RAD18: variants seen among roughly 807,000 people sequenced by gnomAD.
RAD18 encodes the protein E3 ubiquitin-protein ligase RAD18.
RAD18 carries 47 observed loss-of-function variants against 60.4 expected under a neutral mutation model. The observed-to-expected ratio is 0.78, with a 90% CI of 0.62 to 0.99. RAD18 has a LOEUF of 0.99. Ranked by LOEUF, RAD18 falls within the 50% of genes least tolerant of loss-of-function variation. The pLI, the probability that RAD18 is intolerant of heterozygous loss-of-function variation, is 0.00. For synonymous variants in RAD18, 225 were observed against 195.5 expected, an observed-to-expected ratio of 1.15 and a Z score of -1.26; for missense variants, 640 against 593.3, an observed-to-expected ratio of 1.08 and a Z score of -0.82.
chr3:8,946,737 T>C (rs1381176713), intron 4 of RAD18, among the ~76,000 whole-genome samples: 1 of 152,210 alleles, frequency 6.6e-6, no homozygotes, highest in Non-Finnish European at 1.5e-5. Context: ...GCAGACAGAA[T>C]CAATTATAGA....
At position 8,880,357 on chromosome 3, in the gene RAD18, T is replaced by C. The variant is rs893302344; in HGVS notation, c.*1000A>G. 2 of 152,216 alleles carry C rather than the reference T, an allele frequency of 1.3e-5. No individual in the cohort carries two copies. The highest frequency in any genetic ancestry group is 4.8e-5 in the African/African-American group (2 of 41,432). 9.4% of individuals were successfully genotyped at this position (152,216 alleles called of 1,614,324 possible). ...ATTTACTATCATCTCATTTGAAAGC[T>C]GATGTGTTTGGGTTGGGTGATGGCA... On this transcript the variant is annotated 3_prime_UTR_variant, in exon 13 of 13. Transcript: ENST00000264926.
At chr3:8,947,195 G>C in intron 4 of RAD18, 25 bp downstream of exon 4, 1 of 1,542,990 alleles carries the variant, frequency 6.5e-7, no homozygotes, top group Non-Finnish European at 8.9e-7. Context: ...AGTAGTTAGA[G>C]GTTAGTCACA....
chr3:8,927,788 T>G (rs1441082630), intron 7 of RAD18, among the ~76,000 whole-genome samples: 4 of 152,086 alleles, frequency 2.6e-5, no homozygotes, highest in Admixed American at 6.6e-5. Flanking sequence ...GAAACCATCA[T>G]TCTCAGCAAA....
chr3:8,890,841 G>A (rs967202855), intron 11 of RAD18, among the ~76,000 whole-genome samples: 2 of 152,060 alleles, frequency 1.3e-5, no homozygotes, highest in African/African-American at 4.8e-5. Flanking sequence ...CAAAGCTGAA[G>A]CTGTTTTAAC....
chr3:8,905,846 T>A (rs1407507319), intron 9 of RAD18, among the ~76,000 whole-genome samples: 1 of 152,226 alleles, frequency 6.6e-6, no homozygotes, highest in African/African-American at 2.4e-5. Flanking sequence ...TGGCCCCTCT[T>A]AGTTGGCCTC....
In RAD18 at chr3:8,958,976, CCA is replaced by C. The variant is rs1250527790; in HGVS notation, c.75_76del (p.Cys25TrpfsTer19). ...AATGTTGAAATACTCGAAGCAAATT[CCA>C]CACCGCAGCAAATCATCTATTGTCT... On this transcript the variant is annotated frameshift_variant, in exon 2 of 13. Coordinates refer to ENST00000264926, the MANE Select transcript of RAD18 (RefSeq NM_020165.4). LOFTEE classifies it high-confidence loss of function. 1 of 1,613,692 alleles carries C rather than the reference CCA, an allele frequency of 6.2e-7. No individual in the cohort carries two copies. Among genetic ancestry groups the C allele is most frequent in the Admixed American group, 1.7e-5 (1 of 60,020 alleles).
At chr3:8,915,980 C>T (rs907237768) in intron 7 of RAD18, among the ~76,000 whole-genome samples, 11 of 152,160 alleles carry the variant, frequency 7.2e-5, no homozygotes, top group African/African-American at 2.2e-4. Context: ...AAAAGATCTT[C>T]CTCCAGATCC....
chr3:8,894,694 C>G (rs1351777324), intron 11 of RAD18, among the ~76,000 whole-genome samples: 2 of 151,588 alleles, frequency 1.3e-5, no homozygotes, highest in African/African-American at 4.9e-5. Flanking sequence ...GATACATTCC[C>G]CTAAAACAAA....
intron 4 of RAD18, 24 bp downstream of exon 4, chr3:8,947,196 G>T (rs915589115): frequency 1.1e-5 from 17 of 1,548,064 alleles, no homozygotes; most frequent in Non-Finnish European, 1.4e-5. Context: ...GTAGTTAGAG[G>T]TTAGTCACAA....
In RAD18 at chr3:8,887,174, A is replaced by C. The variant is rs150012843; in HGVS notation, c.1385+3215T>G. Among the ~76,000 whole-genome samples the C allele has an allele frequency of 3.9e-3, 599 of 152,304 alleles. 5 individuals are homozygous for C. Among genetic ancestry groups the C allele is most frequent in the African/African-American group, 0.014 (564 of 41,570 alleles). On this transcript the variant is annotated intron_variant, in intron 12 of 12. Transcript: ENST00000264926. Reference sequence around the variant, plus strand: ...AATCATTAAGCCCCTTCCTAAATCTACTGAATCAGAATCTCTAGGGGTGGA... The same window carrying C: ...AATCATTAAGCCCCTTCCTAAATCTCCTGAATCAGAATCTCTAGGGGTGGA...
chr3:8,893,841 C>T (rs1939740077), intron 11 of RAD18, among the ~76,000 whole-genome samples: 1 of 151,812 alleles, frequency 6.6e-6, no homozygotes, highest in Admixed American at 6.6e-5. Flanking sequence ...AGGTGCATAC[C>T]ACCATGTCTG....
intron 2 of RAD18, among the ~76,000 whole-genome samples, chr3:8,953,955 A>C (rs1940968749): frequency 6.6e-6 from 1 of 152,258 alleles, no homozygotes; most frequent in African/African-American, 2.4e-5. Flanking sequence ...TGCTAATTCA[A>C]GAGACAACAT....
chr3:8,906,628 G>C (rs915390147), intron 9 of RAD18, among the ~76,000 whole-genome samples: 7 of 152,024 alleles, frequency 4.6e-5, no homozygotes, highest in African/African-American at 1.7e-4. Context: ...CTATCTCAGA[G>C]ATCACAGTCC....
At position 8,881,420 on chromosome 3, in the gene RAD18, A is replaced by G; in HGVS notation, c.1425T>C (p.Asn475=). ...CACTTTCAGCGGCTCTTGTGCGGCG[A>G]TTCTGTCTTGGACTTATTTCTGTGT... ...LQDTEISPRQ[N]RRTRAAESAE... is the part of the protein sequence containing the mutation. The change falls in exon 13 of 13, where the codon AAT becomes AAC. Residue 475 remains asparagine, a synonymous_variant. Coordinates refer to ENST00000264926, the MANE Select transcript of RAD18 (RefSeq NM_020165.4). 7.4e-6 allele frequency: 12 copies of G among 1,613,050 alleles called. No homozygotes were observed. The highest frequency in any genetic ancestry group is 1.0e-5 in the Non-Finnish European group (12 of 1,179,042).
At chr3:8,889,473 T>C (rs1028297512) in intron 12 of RAD18, among the ~76,000 whole-genome samples, 4 of 152,126 alleles carry the variant, frequency 2.6e-5, no homozygotes, top group African/African-American at 9.7e-5. Flanking sequence ...GACAAACAAA[T>C]AATCATATAA....
rs1264775383 is a variant in RAD18, at chr3:8,914,151, T to G, written c.890-431A>C. 1.3e-5 allele frequency among the ~76,000 whole-genome samples: 2 copies of G among 152,276 alleles called. 1 individual carries two copies. The highest frequency in any genetic ancestry group is 4.1e-4 in the South Asian group (2 of 4,820). ...AAAGGTCTACAAATACCAGGAAAAATGTCCTTGCCTCCAGAACCTTTGTCT... is the reference window on the plus strand; with the variant it reads ...AAAGGTCTACAAATACCAGGAAAAAGGTCCTTGCCTCCAGAACCTTTGTCT... On this transcript the variant is annotated intron_variant, in intron 7 of 12. Transcript: ENST00000264926.
intron 7 of RAD18, 56 bp from the exon 8 acceptor site, chr3:8,913,776 T>C (rs774974456): frequency 4.6e-5 from 51 of 1,116,680 alleles, no homozygotes; most frequent in Non-Finnish European, 5.7e-5. Flanking sequence ...TTAATCACTG[T>C]ACAATAATTA....
chr3:8,878,675 C>T lies in RAD18; in HGVS notation c.*2682G>A, dbSNP rs965758732. 6.6e-6 allele frequency: 1 copy of T among 151,994 alleles called. No individual in the cohort carries two copies. The highest frequency in any genetic ancestry group is 1.5e-5 in the Non-Finnish European group (1 of 68,002). 9.4% of individuals were successfully genotyped at this position (151,994 alleles called of 1,614,324 possible). A position where few individuals can be genotyped will look rare whatever the true frequency, so the allele number is the denominator to read the frequency against. On this transcript the variant is annotated 3_prime_UTR_variant, in exon 13 of 13. Transcript: ENST00000264926. The stretch of plus-strand genomic sequence containing the variant: ...GTATGAATTCTTTTTTCAACTAGAC[C>T]AGTAATCCTCAACATGAGGTCGAAA...
intron 4 of RAD18, among the ~76,000 whole-genome samples, chr3:8,946,752 T>C (rs1289355689): frequency 6.6e-6 from 1 of 152,260 alleles, no homozygotes; most frequent in African/African-American, 2.4e-5. Flanking sequence ...TATAGATATG[T>C]GTATATACAT....
Sources: gnomAD v4.1 joint callset for allele counts (sites outside exome capture counted in the v4.1 genomes callset) on GRCh38, gnomAD v4.1.1 for gene constraint, MANE v1.5 for transcripts, NCBI Gene and HGNC (gene_info 2026-07-23, HGNC 2026-07-21) for gene names.